The following ITGB8 variants were observed in gnomAD, a reference collection of about 807,000 sequenced individuals.
The protein encoded by ITGB8 is integrin beta-8.
A neutral mutation model predicts 89.5 loss-of-function variants in ITGB8; 30 were observed. That is an observed-to-expected ratio of 0.34 (90% CI 0.25 to 0.45). The LOEUF (loss-of-function observed/expected upper bound fraction) is 0.45. Among genes scored for constraint, ITGB8 ranks in the 20% least tolerant of loss-of-function variants. The pLI is 1.00. For synonymous variants in ITGB8, 335 were observed against 320.4 expected, an observed-to-expected ratio of 1.05 and a Z score of -0.49; for missense variants, 836 against 933.3, an observed-to-expected ratio of 0.90 and a Z score of 1.36.
chr7:20,332,578 A>G (rs1375333405), intron 1 of ITGB8, among the ~76,000 whole-genome samples: 1 of 152,228 alleles, frequency 6.6e-6, no homozygotes, highest in Admixed American at 6.5e-5. Context: ...AACCAGGATT[A>G]ACAGCTTTCT....
At chr7:20,347,927 G>T (rs1416176233) in intron 1 of ITGB8, among the ~76,000 whole-genome samples, 2 of 152,298 alleles carry the variant, frequency 1.3e-5, no homozygotes, top group East Asian at 3.8e-4. Flanking sequence ...AGTGTTGAAA[G>T]ACAGGACATT....
In ITGB8 at chr7:20,406,157, T is replaced by A; in HGVS notation, c.2009T>A (p.Val670Asp). 6.2e-7 allele frequency: 1 copy of A among 1,601,002 alleles called. No homozygotes were observed. The highest frequency in any genetic ancestry group is 8.6e-7 in the Non-Finnish European group (1 of 1,168,018). The change falls in exon 12 of 14, where the codon GTC (valine) becomes GAC (aspartate). Residue 670 changes from valine (V) to aspartate (D), a missense_variant. Val to Asp is a radical substitution (Grantham distance 152, BLOSUM62 -3). Around this residue, in one of 5 missense-constraint regions of ITGB8, gnomAD observed 422 missense variants for 416.9 expected, o/e 1.01. Coordinates refer to ENST00000222573, the MANE Select transcript of ITGB8 (RefSeq NM_002214.3). ...GCTCTCATGGAACAACAGCATTATG[T>A]CGACCAAACTTCAGGTAGGCCAAAG... ...SCALMEQQHY[V>D]DQTSECFSSP... is the part of the protein sequence containing the mutation.
At chr7:20,349,482 G>A (rs769378394) in intron 1 of ITGB8, among the ~76,000 whole-genome samples, 12 of 151,722 alleles carry the variant, frequency 7.9e-5, no homozygotes, top group Non-Finnish European at 2.9e-5. Flanking sequence ...TTAGGCTGCC[G>A]AGAGTTGGCA....
At chr7:20,377,420 C>T (rs971256583) in intron 3 of ITGB8, 15 of 152,254 alleles carry the variant, frequency 9.9e-5, no homozygotes, top group East Asian at 1.9e-4. Context: ...ACCAAAAAAA[C>T]GCTGATCCAC....
chr7:20,358,027 A>G (rs1474651032), intron 1 of ITGB8, among the ~76,000 whole-genome samples: 1 of 152,100 alleles, frequency 6.6e-6, no homozygotes, highest in Non-Finnish European at 1.5e-5. Flanking sequence ...GTGCAATGGC[A>G]TGATCTTGGC....
chr7:20,391,344 T>C, intron 6 of ITGB8, 59 bp from the exon 7 acceptor site: 1 of 867,094 alleles, frequency 1.2e-6, no homozygotes, highest in Admixed American at 2.5e-5. Context: ...ATATTAGATG[T>C]TTGAATAGGA....
Position 20,401,793 on chromosome 7 carries a change from C to A in ITGB8, c.1354C>A (p.Pro452Thr), listed in dbSNP as rs1467756103. The change falls in exon 10 of 14, where the codon CCT becomes ACT. Residue 452 changes from proline (P) to threonine (T), a missense_variant. By Grantham distance (38) the Pro-to-Thr change is conservative. Transcript: ENST00000222573. Reference protein sequence around the residue: ...TGGKNYAIIKPIGFNETAKIH... With the variant: ...TGGKNYAIIKTIGFNETAKIH... ...AGGAAAAAACTATGCAATAATCAAA[C>A]CTATTGGTTTTAATGAAACCGCTAA... 1.2e-6 allele frequency: 2 copies of A among 1,610,572 alleles called. No homozygotes were observed. Among genetic ancestry groups the A allele is most frequent in the Admixed American group, 1.7e-5 (1 of 59,276 alleles).
Position 20,404,817 on chromosome 7 carries a change from A to C in ITGB8, c.1877A>C (p.His626Pro). ...AGGAGCATCGGCCGCTTCTGTGAAC[A>C]CTGCCCCACCTGTTATACAGCCTGC... is the stretch of plus-strand genomic sequence containing the variant. ...DPRSIGRFCEHCPTCYTACKE... is the reference protein window; with the variant it reads ...DPRSIGRFCEPCPTCYTACKE... The change falls in exon 11 of 14, where the codon CAC becomes CCC. Residue 626 changes from histidine (H) to proline (P), a missense_variant. Physicochemically the swap from His to Pro is moderately conservative, Grantham distance 77. Transcript: ENST00000222573. The C allele has an allele frequency of 6.2e-7, 1 of 1,614,176 alleles. No individual in the cohort carries two copies. The highest frequency in any genetic ancestry group is 8.5e-7 in the Non-Finnish European group (1 of 1,180,014).
At chr7:20,397,090 G>T (rs1028694236) in intron 8 of ITGB8, among the ~76,000 whole-genome samples, 8 of 152,106 alleles carry the variant, frequency 5.3e-5, no homozygotes, top group African/African-American at 1.7e-4. Context: ...GTACCTATTA[G>T]ATACTAAAAG....
intron 1 of ITGB8, among the ~76,000 whole-genome samples, chr7:20,345,392 T>TAA (rs11393596): frequency 0.027 from 4,115 of 150,190 alleles, 123 homozygotes; most frequent in African/African-American, 0.073. Flanking sequence ...ACAGACAAAA[T>TAA]AAAAAAAAAC....
intron 5 of ITGB8, 98 bp downstream of exon 5, chr7:20,380,929 G>A: frequency 9.5e-7 from 1 of 1,054,932 alleles, no homozygotes; most frequent in South Asian, 1.5e-5. Context: ...TGAAAACGTA[G>A]TGTAGAAGAA....
rs776893836 is a variant in ITGB8, at chr7:20,398,988, T to C, written c.1275T>C (p.Asn425=). 2 of 1,613,212 alleles carry C rather than the reference T, an allele frequency of 1.2e-6. No individual in the cohort carries two copies. The highest frequency in any genetic ancestry group is 1.7e-6 in the Non-Finnish European group (2 of 1,179,644). ...GMEGCRNVTS[N]DEVLFNVTVT... ...AAGGATGCAGAAACGTGACGAGCAA[T>C]GATGAAGTATGTGGGTGTGCATTTT... The change falls in exon 9 of 14, where the codon AAT becomes AAC. Residue 425 remains asparagine (N), a synonymous_variant. Coordinates refer to ENST00000222573, the MANE Select transcript of ITGB8 (RefSeq NM_002214.3).
chr7:20,367,733 T>C (rs7793190), intron 3 of ITGB8, among the ~76,000 whole-genome samples: 142,757 of 152,260 alleles, frequency 0.94, 67,036 homozygotes, highest in East Asian at 0.99. Context: ...TCATAATTAC[T>C]TTGGGCAGTT....
rs146905634 is a variant in ITGB8 at position 20,340,145 on chromosome 7, G to A, written c.127+8212G>A. 9.8e-5 allele frequency among the ~76,000 whole-genome samples: 15 copies of A among 152,298 alleles called. 1 individual carries two copies. In the East Asian group the frequency reaches 2.5e-3, roughly 25 times the overall value. On this transcript the variant is annotated intron_variant, in intron 1 of 13. Coordinates refer to ENST00000222573, the MANE Select transcript of ITGB8 (RefSeq NM_002214.3). ...CATCACTGCTATAATGGTTTTAGAC[G>A]TGCGCTATCTCTGCCTGGTGTTTTA... is the stretch of plus-strand genomic sequence containing the variant.
At chr7:20,380,547 G>A (rs10215885) in intron 4 of ITGB8, 119 bp from the exon 5 acceptor site, 323,463 of 783,778 alleles carry the variant, frequency 0.41, 69,289 homozygotes, top group Non-Finnish European at 0.44. Flanking sequence ...GTCGTATAAA[G>A]TTTCCCTGGC....
intron 10 of ITGB8, among the ~76,000 whole-genome samples, chr7:20,403,156 T>C (rs954622382): frequency 6.6e-6 from 1 of 152,210 alleles, no homozygotes; most frequent in Non-Finnish European, 1.5e-5. Flanking sequence ...TTCTGTAACA[T>C]ACATAGAATA....
At position 20,415,477 on chromosome 7, in the gene ITGB8, CG is replaced by C. The variant is rs1250847199; in HGVS notation, c.*5481del. The C allele has an allele frequency of 1.3e-5, 2 of 152,242 alleles. No individual in the cohort carries two copies. The highest frequency in any genetic ancestry group is 2.9e-5 in the Non-Finnish European group (2 of 67,894). 9.4% of individuals were successfully genotyped at this position (152,242 alleles called of 1,614,324 possible). On this transcript the variant is annotated 3_prime_UTR_variant, in exon 14 of 14. Coordinates refer to ENST00000222573, the MANE Select transcript of ITGB8 (RefSeq NM_002214.3). ...TTATTATTTCTGGCTTTGAATTATA[CG>C]TAACTTAAATTGTCTTAAATGATAC...
At chr7:20,383,519 GAGA>G (rs1017327365) in intron 6 of ITGB8, among the ~76,000 whole-genome samples, 1 of 152,122 alleles carries the variant, frequency 6.6e-6, no homozygotes, top group African/African-American at 2.4e-5. Context: ...GTGAGACAAA[GAGA>G]AGGTTTTTAT....
intron 1 of ITGB8, among the ~76,000 whole-genome samples, chr7:20,335,380 G>T (rs1784541187): frequency 1.3e-5 from 2 of 152,140 alleles, no homozygotes; most frequent in African/African-American, 4.8e-5. Context: ...GTATGGATAT[G>T]TAATAGCTTT....
Sources: gnomAD v4.1 joint callset for allele counts (sites outside exome capture counted in the v4.1 genomes callset) on GRCh38, gnomAD v4.1.1 for gene constraint, gnomAD v4.1.1 regional missense constraint, MANE v1.5 for transcripts, NCBI Gene and HGNC (gene_info 2026-07-23, HGNC 2026-07-21) for gene names.